The following GRID1 variants were observed in gnomAD, a reference collection of about 807,000 sequenced individuals.
GRID1 encodes the protein glutamate ionotropic receptor delta type subunit 1, also known as glutamate receptor ionotropic, delta-1.
Under a neutral mutation model 98.0 loss-of-function variants are expected in GRID1, and 28 were observed. That is an observed-to-expected ratio of 0.29 (90% CI 0.21 to 0.39). The LOEUF (loss-of-function observed/expected upper bound fraction) is 0.39, where lower values mean the gene tolerates loss of function less well. Ranked by LOEUF, GRID1 falls within the 10% of genes least tolerant of loss-of-function variation. The probability of loss-of-function intolerance (pLI) is 1.00; values close to 1 mark genes in which losing one functional copy is unlikely to be tolerated. For synonymous variants in GRID1, 553 were observed against 538.5 expected (o/e 1.03, Z -0.37); for missense variants, 1,111 against 1,340.5 (o/e 0.83, Z 2.67).
chr10:86,244,524 C>T (rs1846690389), intron 2 of GRID1, among the ~76,000 whole-genome samples: 1 of 152,240 alleles, frequency 6.6e-6, no homozygotes. Context: ...GCTCAGACAC[C>T]GCACCATTAT....
At chr10:85,633,120 A>G (rs577542258) in intron 13 of GRID1, among the ~76,000 whole-genome samples, 109 of 152,054 alleles carry the variant, frequency 7.2e-4, no homozygotes, top group African/African-American at 2.4e-3. Context: ...AGTAGAGATG[A>G]GGTTTCACCA....
intron 4 of GRID1, among the ~76,000 whole-genome samples, chr10:85,944,764 G>A (rs918603496): frequency 6.6e-6 from 1 of 151,868 alleles, no homozygotes; most frequent in Non-Finnish European, 1.5e-5. Context: ...AAATACTAAA[G>A]GAGTAAATTA....
intron 12 of GRID1, among the ~76,000 whole-genome samples, chr10:85,703,595 C>T (rs2132625789): frequency 6.6e-6 from 1 of 152,058 alleles, no homozygotes; most frequent in South Asian, 2.1e-4. Flanking sequence ...TATATAGTTT[C>T]ACTGTTAATT....
chr10:85,939,809 T>C (rs1367716800), intron 4 of GRID1, among the ~76,000 whole-genome samples: 2 of 152,116 alleles, frequency 1.3e-5, no homozygotes, highest in African/African-American at 2.4e-5. Context: ...TTCATGCCTA[T>C]AATCCCAGCA....
intron 12 of GRID1, among the ~76,000 whole-genome samples, chr10:85,677,896 C>T (rs976613353): frequency 1.3e-5 from 2 of 152,100 alleles, no homozygotes; most frequent in Admixed American, 6.5e-5. Flanking sequence ...GAAGTGAGTT[C>T]ATAGAGTGTA....
intron 4 of GRID1, among the ~76,000 whole-genome samples, chr10:85,917,735 AG>A (rs1397680862): frequency 6.6e-6 from 1 of 152,254 alleles, no homozygotes; most frequent in East Asian, 1.9e-4. Context: ...TGGAAAGAAA[AG>A]AGGCTGCAAG....
intron 12 of GRID1, among the ~76,000 whole-genome samples, chr10:85,719,639 A>C (rs1841678075): frequency 6.6e-6 from 1 of 152,108 alleles, no homozygotes; most frequent in African/African-American, 2.4e-5. Flanking sequence ...CCTATGATTC[A>C]ATTACCTCTC....
chr10:85,854,566 G>A lies in GRID1; in HGVS notation c.1163C>T (p.Ser388Leu), dbSNP rs746647256. 2.7e-5 allele frequency: 43 copies of A among 1,613,148 alleles called. No homozygotes were observed. The highest frequency in any genetic ancestry group is 8.0e-5 in the African/African-American group (6 of 74,896). Residue 388 changes from serine (S) to leucine (L), a missense_variant, in exon 8 of 16, where the codon TCG becomes TTG. Ser to Leu is a moderately radical substitution (Grantham distance 145, BLOSUM62 -2). Transcript: ENST00000327946. The stretch of plus-strand genomic sequence containing the variant: ...GATTTCAAACTGGACATAGGGATTC[G>A]AACTGTCCTCCCGAAACTCCATCAC... ...TGVMEFREDS[S>L]NPYVQFEILG... is the part of the protein sequence containing the mutation.
chr10:85,937,986 C>T (rs1019549086), intron 4 of GRID1, among the ~76,000 whole-genome samples: 1 of 152,190 alleles, frequency 6.6e-6, no homozygotes, highest in African/African-American at 2.4e-5. Flanking sequence ...TCAGATAAGG[C>T]CAATGTGATC....
chr10:85,939,760 G>A (rs963236230), intron 4 of GRID1, among the ~76,000 whole-genome samples: 1 of 152,024 alleles, frequency 6.6e-6, no homozygotes, highest in Non-Finnish European at 1.5e-5. Flanking sequence ...ATATTCATTG[G>A]TTCCAAGAGT....
At chr10:85,973,611 T>C (rs1259423787) in intron 4 of GRID1, among the ~76,000 whole-genome samples, 1 of 152,214 alleles carries the variant, frequency 6.6e-6, no homozygotes, top group Non-Finnish European at 1.5e-5. Context: ...TGCTATTTTC[T>C]AACTATTTCT....
intron 2 of GRID1, among the ~76,000 whole-genome samples, chr10:86,265,374 T>C (rs1239801835): frequency 2.0e-5 from 3 of 152,262 alleles, no homozygotes; most frequent in Non-Finnish European, 4.4e-5. Flanking sequence ...CCAGCCCTGA[T>C]AACCTGTGCC....
At chr10:85,715,072 G>C (rs1841623752) in intron 12 of GRID1, among the ~76,000 whole-genome samples, 2 of 152,064 alleles carry the variant, frequency 1.3e-5, no homozygotes, top group African/African-American at 2.4e-5. Flanking sequence ...ATACAGCCTA[G>C]AAATAAATTC....
rs542642089 is a variant in GRID1 at position 86,095,700 on chromosome 10, A to T, written c.726+43119T>A. On this transcript the variant is annotated intron_variant, in intron 4 of 15. Coordinates refer to ENST00000327946, the MANE Select transcript of GRID1 (RefSeq NM_017551.3). ...GCAAGAATGGTCATAATAAAAAAAA[A>T]TTTTTTTAAAAGTAGATGTTGGCGC... Among the ~76,000 whole-genome samples, 108 of 151,996 alleles carry T rather than the reference A, an allele frequency of 7.1e-4. 1 individual carries two copies. Among genetic ancestry groups the T allele is most frequent in the African/African-American group, 2.2e-3 (90 of 41,332 alleles).
chr10:85,963,160 A>G (rs1447375778), intron 4 of GRID1, among the ~76,000 whole-genome samples: 1 of 152,154 alleles, frequency 6.6e-6, no homozygotes, highest in Non-Finnish European at 1.5e-5. Flanking sequence ...GTTGAAACTT[A>G]GAAGGCTCAT....
At chr10:86,211,809 A>G (rs140139818) in intron 2 of GRID1, among the ~76,000 whole-genome samples, 38 of 152,342 alleles carry the variant, frequency 2.5e-4, no homozygotes, top group Middle Eastern at 6.8e-3. Context: ...AGGCACCTCT[A>G]CATCCAATGC....
At chr10:86,257,004 T>C (rs1846930814) in intron 2 of GRID1, among the ~76,000 whole-genome samples, 1 of 152,216 alleles carries the variant, frequency 6.6e-6, no homozygotes, top group Admixed American at 6.5e-5. Flanking sequence ...CCAGGGATAG[T>C]GCATCTCCCT....
At chr10:86,239,678 T>G (rs73349974) in intron 2 of GRID1, among the ~76,000 whole-genome samples, 1 of 152,102 alleles carries the variant, frequency 6.6e-6, no homozygotes, top group African/African-American at 2.4e-5. Flanking sequence ...TAAAAGCAAG[T>G]AGCACCTGCT....
chr10:86,342,683 G>A (rs374757872), intron 2 of GRID1, among the ~76,000 whole-genome samples: 10 of 152,168 alleles, frequency 6.6e-5, no homozygotes, highest in Admixed American at 3.9e-4. Flanking sequence ...GGGAGCCCAC[G>A]CTGCTTCCCT....
Sources: gnomAD v4.1 joint callset for allele counts (sites outside exome capture counted in the v4.1 genomes callset) on GRCh38, gnomAD v4.1.1 for gene constraint, MANE v1.5 for transcripts, NCBI Gene and HGNC (gene_info 2026-07-23, HGNC 2026-07-21) for gene names.